PIGR: variants seen among roughly 807,000 people sequenced by gnomAD.
PIGR encodes the protein polymeric immunoglobulin receptor, also known as hepatocellular carcinoma associated protein TB6.
A neutral mutation model predicts 69.5 loss-of-function variants in PIGR; 22 were observed. The ratio of observed to expected loss-of-function variants is 0.32; its 90% CI spans 0.23 to 0.45. The LOEUF is 0.45. PIGR is among the 20% of genes least tolerant of loss of function. PIGR has a pLI of 1.00. For synonymous variants in PIGR, 413 were observed against 407.6 expected (o/e 1.01, Z -0.16); for missense variants, 885 against 974.0 (o/e 0.91, Z 1.22).
intron 10 of PIGR, chr1:206,931,268 C>CT: frequency 1.0e-6 from 1 of 985,402 alleles, no homozygotes; most frequent in Non-Finnish European, 1.2e-6. Context: ...GTTTTACAGC[C>CT]TAATCATATA....
chr1:206,932,691 C>T, intron 7 of PIGR, 114 bp from the exon 8 acceptor site: 1 of 1,238,784 alleles, frequency 8.1e-7, no homozygotes, highest in Non-Finnish European at 1.1e-6. Context: ...CCCCACCCTG[C>T]TGATGCAGCT....
chr1:206,931,061 C>G (rs1422106972), intron 10 of PIGR: 2 of 985,270 alleles, frequency 2.0e-6, no homozygotes, highest in South Asian at 9.4e-5. Context: ...CTCAAACTGC[C>G]CACCGCAAGC....
In PIGR at chr1:206,943,168, C is replaced by T. The variant is rs61815011; in HGVS notation, c.-53-2584G>A. 4.2e-3 allele frequency among the ~76,000 whole-genome samples: 636 copies of T among 152,248 alleles called. 2 individuals carry two copies. The highest frequency in any genetic ancestry group is 7.4e-3 in the Non-Finnish European group (503 of 68,000). ...AGAACATAATGTTGGGCACCTGCTA[C>T]GTGCCAAATGCTTTGCTAGGTTCTT... On this transcript the variant is annotated intron_variant, in intron 1 of 10. Coordinates refer to ENST00000356495, the MANE Select transcript of PIGR (RefSeq NM_002644.4).
chr1:206,936,595 G>A (rs1679866100), intron 4 of PIGR, among the ~76,000 whole-genome samples: 1 of 152,192 alleles, frequency 6.6e-6, no homozygotes, highest in Admixed American at 6.5e-5. Flanking sequence ...GGCTGAGTGG[G>A]CCAGATGGTG....
chr1:206,931,087 C>G, intron 10 of PIGR: 1 of 985,384 alleles, frequency 1.0e-6, no homozygotes, highest in Non-Finnish European at 1.2e-6. Flanking sequence ...TCTCCTAGGC[C>G]CAGGCAAAAA....
In PIGR at chr1:206,930,730, G is replaced by T. The variant is rs1679723198; in HGVS notation, c.2200-317C>A. ...CCACGGGCAAGGTGGCCTAGGCTGG[G>T]GTCAACCACGGTGGTGTATGTTTTT... On this transcript the variant is annotated intron_variant, in intron 10 of 10. Coordinates refer to ENST00000356495, the MANE Select transcript of PIGR (RefSeq NM_002644.4). The surrounding 1 kb of genome is among the most constrained non-coding windows in gnomAD (Gnocchi z 4.3). 1.0e-6 allele frequency: 1 copy of T among 985,274 alleles called. No individual in the cohort carries two copies. The highest frequency in any genetic ancestry group is 4.7e-5 in the South Asian group (1 of 21,288). 61.0% of individuals were successfully genotyped at this position (985,274 alleles called of 1,614,324 possible).
At chr1:206,946,118 G>A (rs1420971845) in intron 1 of PIGR, among the ~76,000 whole-genome samples, 1 of 152,132 alleles carries the variant, frequency 6.6e-6, no homozygotes, top group Non-Finnish European at 1.5e-5. Context: ...TCTCAGAAAA[G>A]GATGGGGGGC....
At position 206,929,058 on chromosome 1, in the gene PIGR, C is replaced by G. The variant is rs1679672591; in HGVS notation, c.*1260G>C. 1 of 120,412 alleles carries G rather than the reference C, an allele frequency of 8.3e-6. No individual in the cohort carries two copies. The highest frequency in any genetic ancestry group is 3.8e-5 in the African/African-American group (1 of 26,342). The allele number at this position is 120,412 out of a possible 1,614,324, so 7.5% of individuals were successfully genotyped here. A position where few individuals can be genotyped will look rare whatever the true frequency, so the allele number is the denominator to read the frequency against. On this transcript the variant is annotated 3_prime_UTR_variant, in exon 11 of 11. Transcript: ENST00000356495. Reference sequence around the variant, plus strand: ...GACCAGTCTCGTCAACATGGCGAAACCCTGTCTCTACAAAAAAAAAAAAAA... The same window carrying G: ...GACCAGTCTCGTCAACATGGCGAAAGCCTGTCTCTACAAAAAAAAAAAAAA...
chr1:206,940,181 T>G (rs1679954361), intron 2 of PIGR, among the ~76,000 whole-genome samples: 1 of 152,232 alleles, frequency 6.6e-6, no homozygotes. Context: ...ATAAGTGACT[T>G]CCCTCAGATT....
chr1:206,933,004 G>C lies in PIGR; in HGVS notation c.1868C>G (p.Ala623Gly), dbSNP rs775599620. The change falls in exon 7 of 11, where the codon GCA becomes GGA. Residue 623 changes from alanine (A) to glycine (G), a missense_variant. By Grantham distance (60) the Ala-to-Gly change is moderately conservative. Transcript: ENST00000356495. ...DTRDQADGSR[A>G]SVDSGSSEEQ... is the part of the protein sequence containing the mutation. The stretch of plus-strand genomic sequence containing the variant: ...TCCTTACCTGCCGGAATCCACAGAT[G>C]CTCTGCTCCCATCGGCTTGATCTCT... 1 of 1,614,146 alleles carries C rather than the reference G, an allele frequency of 6.2e-7. No homozygotes were observed. Among genetic ancestry groups the C allele is most frequent in the Non-Finnish European group, 8.5e-7 (1 of 1,180,030 alleles).
In PIGR at chr1:206,934,692, A is replaced by G. The variant is rs892133718; in HGVS notation, c.1433T>C (p.Leu478Pro). The change falls in exon 6 of 11, where the codon CTC becomes CCC. Residue 478 changes from leucine (L) to proline (P), a missense_variant. By Grantham distance (98) the Leu-to-Pro change is moderately conservative. Coordinates refer to ENST00000356495, the MANE Select transcript of PIGR (RefSeq NM_002644.4). ...GCATGGAAAGTGACAGGGGACCTTG[A>G]GAGTCTCTCCCAGCACAGCCGTGAC... ...GNVTAVLGET[L>P]KVPCHFPCKF... 5.6e-6 allele frequency: 9 copies of G among 1,612,808 alleles called. No homozygotes were observed. Among genetic ancestry groups the G allele is most frequent in the Non-Finnish European group, 7.6e-6 (9 of 1,180,014 alleles).
Position 206,930,995 on chromosome 1 carries a change from C to G in PIGR, c.2199+502G>C, listed in dbSNP as rs1679728831. On this transcript the variant is annotated intron_variant, in intron 10 of 10. Transcript: ENST00000356495. This position sits in a 1 kb window ranked among gnomAD's most constrained non-coding sequence, Gnocchi z 4.3. ...GATTGAGGGGATGGTATATGGCACC[C>G]AAGGCAGGAGTTGCCTCTGGTGGGG... 1.0e-6 allele frequency: 1 copy of G among 985,296 alleles called. No individual in the cohort carries two copies. Among genetic ancestry groups the G allele is most frequent in the Admixed American group, 6.1e-5 (1 of 16,266 alleles). 61.0% of individuals were successfully genotyped at this position (985,296 alleles called of 1,614,324 possible). A position where few individuals can be genotyped will look rare whatever the true frequency, so the allele number is the denominator to read the frequency against.
In PIGR at chr1:206,930,592, T is replaced by C. The variant is rs539106625; in HGVS notation, c.2200-179A>G. ...ACCAAGAAGGACGCATTTTGAGAAA[T>C]GGAAAGTTGCAGCCTCTAAAAATAT... On this transcript the variant is annotated intron_variant, in intron 10 of 10. Coordinates refer to ENST00000356495, the MANE Select transcript of PIGR (RefSeq NM_002644.4). The surrounding 1 kb of genome is among the most constrained non-coding windows in gnomAD (Gnocchi z 4.3). The C allele has an allele frequency of 1.8e-5, 18 of 985,294 alleles. No homozygotes were observed. Among genetic ancestry groups the C allele is most frequent in the East Asian group, 1.1e-4 (1 of 8,800 alleles). The allele number at this position is 985,294 out of a possible 1,614,324, so 61.0% of individuals were successfully genotyped here.
chr1:206,933,122 C>T lies in PIGR; in HGVS notation c.1750G>A (p.Glu584Lys), dbSNP rs1679793330. 1 of 1,614,186 alleles carries T rather than the reference C, an allele frequency of 6.2e-7. No individual in the cohort carries two copies. The highest frequency in any genetic ancestry group is 8.5e-7 in the Non-Finnish European group (1 of 1,180,018). The change falls in exon 7 of 11, where the codon GAG (glutamate) becomes AAG (lysine). Residue 584 changes from glutamate to lysine, a missense_variant. Coordinates refer to ENST00000356495, the MANE Select transcript of PIGR (RefSeq NM_002644.4). ...CGAAAACCAGAGTCTAGCACCTTCT[C>T]ATCAGGAGCAGCGTCTGCCTTCGCT... is the stretch of plus-strand genomic sequence containing the variant. ...SLAKADAAPDEKVLDSGFREI... is the reference protein window; with the variant it reads ...SLAKADAAPDKKVLDSGFREI...
In PIGR at chr1:206,936,962, G is replaced by T. The variant is rs970789043; in HGVS notation, c.1045+133C>A. On this transcript the variant is annotated intron_variant, in intron 4 of 10. Coordinates refer to ENST00000356495, the MANE Select transcript of PIGR (RefSeq NM_002644.4). The stretch of plus-strand genomic sequence containing the variant: ...TGTGCAGCAGCCCACGCAGCCTCCA[G>T]TTCGGGGCTGGTCATTGAGTGGATG... 1.2e-5 allele frequency: 11 copies of T among 880,522 alleles called. No individual in the cohort carries two copies. In the African/African-American group the frequency reaches 1.5e-4, roughly 12 times the overall value. 54.5% of individuals were successfully genotyped at this position (880,522 alleles called of 1,614,324 possible). A position where few individuals can be genotyped will look rare whatever the true frequency, so the allele number is the denominator to read the frequency against.
chr1:206,940,536 G>C lies in PIGR; in HGVS notation c.-5C>G. 1.3e-6 allele frequency: 2 copies of C among 1,551,294 alleles called. No homozygotes were observed. The highest frequency in any genetic ancestry group is 2.0e-5 in the Admixed American group (1 of 50,934). ...GGTGAGCACGAAGAGCAGCATTGCT[G>C]GTGGGTCCCGAGCGCCGCACCACTC... is the stretch of plus-strand genomic sequence containing the variant. On this transcript the variant is annotated 5_prime_UTR_variant, in exon 2 of 11. Coordinates refer to ENST00000356495, the MANE Select transcript of PIGR (RefSeq NM_002644.4).
chr1:206,931,526 CTG>C lies in PIGR; in HGVS notation c.2168_2169del (p.Thr723ArgfsTer53). 1 of 1,614,128 alleles carries C rather than the reference CTG, an allele frequency of 6.2e-7. No homozygotes were observed. The highest frequency in any genetic ancestry group is 8.5e-7 in the Non-Finnish European group (1 of 1,180,036). On this transcript the variant is annotated frameshift_variant, in exon 10 of 11. Transcript: ENST00000356495. LOFTEE classifies it low-confidence loss of function (END_TRUNC). Reference protein sequence around the residue: ...EEFVATTESTTETKEPKKAKR... With the variant: ...EEFVATTESTXETKEPKKAKR... ...TTTGCCTTCTTGGGTTCTTTGGTCT[CTG>C]TGGTGCTCTCAGTGGTGGCAACAAA...
rs192980297 is a variant in PIGR, at chr1:206,938,376, C to T, written c.389-625G>A. Among the ~76,000 whole-genome samples the T allele has an allele frequency of 2.5e-3, 374 of 152,250 alleles. 2 individuals are homozygous for T. The highest frequency in any genetic ancestry group is 4.7e-3 in the Admixed American group (72 of 15,298). On this transcript the variant is annotated intron_variant, in intron 3 of 10. Transcript: ENST00000356495. ...GATTCTGTGGTTTTGAATCTTGATC[C>T]CCACCTAAATGACCTCCTCATTTAG...
In PIGR at chr1:206,935,399, G is replaced by A; in HGVS notation, c.1378+87C>T. On this transcript the variant is annotated intron_variant, in intron 5 of 10. Transcript: ENST00000356495. This position sits in a 1 kb window ranked among gnomAD's most constrained non-coding sequence, Gnocchi z 4.4. ...TGAGGTCTGGCCCATCAGGGTGGAGGCGGGTGAAAAAGGAGGAAGAGTGGT... is the reference window on the plus strand; with the variant it reads ...TGAGGTCTGGCCCATCAGGGTGGAGACGGGTGAAAAAGGAGGAAGAGTGGT... 3.5e-6 allele frequency: 4 copies of A among 1,154,902 alleles called. No homozygotes were observed. Among genetic ancestry groups the A allele is most frequent in the Non-Finnish European group, 5.0e-6 (4 of 794,504 alleles). 71.5% of individuals were successfully genotyped at this position (1,154,902 alleles called of 1,614,324 possible). A position where few individuals can be genotyped will look rare whatever the true frequency, so the allele number is the denominator to read the frequency against.
Sources: allele counts gnomAD v4.1 joint callset (sites outside exome capture counted in the v4.1 genomes callset), GRCh38; gene constraint gnomAD v4.1.1; non-coding constraint Gnocchi (gnomAD v3.1); transcripts MANE v1.5; gene names NCBI Gene and HGNC (gene_info 2026-07-23, HGNC 2026-07-21).